Variants in SHISA6 observed in about 807,000 individuals in gnomAD.
SHISA6 encodes shisa family member 6.
Under a neutral mutation model 47.9 loss-of-function variants are expected in SHISA6, and 22 were observed. That is an observed-to-expected ratio of 0.46 (90% CI 0.33 to 0.66). The LOEUF (loss-of-function observed/expected upper bound fraction) is 0.66, where lower values mean the gene tolerates loss of function less well. SHISA6 is among the 30% of genes least tolerant of loss of function. SHISA6 has a pLI of 0.02. For missense variants in SHISA6, 680 were observed against 764.6 expected, an observed-to-expected ratio of 0.89 and a Z score of 1.30; for synonymous variants, 388 against 337.8, an observed-to-expected ratio of 1.15 and a Z score of -1.63.
intron 5 of SHISA6, among the ~76,000 whole-genome samples, chr17:11,557,548 A>T (rs2071993212): frequency 6.6e-6 from 1 of 152,218 alleles, no homozygotes. Context: ...TCTGCATTTA[A>T]CAAGCCCCCA....
At chr17:11,313,917 A>T (rs1403242273) in intron 2 of SHISA6, among the ~76,000 whole-genome samples, 4 of 152,152 alleles carry the variant, frequency 2.6e-5, no homozygotes, top group Non-Finnish European at 5.9e-5. Flanking sequence ...GAATGATGTA[A>T]TGCTATTGAA....
chr17:11,326,923 G>A (rs1368086599), intron 2 of SHISA6, among the ~76,000 whole-genome samples: 1 of 152,190 alleles, frequency 6.6e-6, no homozygotes, highest in Non-Finnish European at 1.5e-5. Context: ...AAACTTCTAA[G>A]ACAATGCGAT....
At chr17:11,390,391 C>T (rs1389882964) in intron 3 of SHISA6, among the ~76,000 whole-genome samples, 1 of 152,104 alleles carries the variant, frequency 6.6e-6, no homozygotes, top group African/African-American at 2.4e-5. Flanking sequence ...AATGGTAGCC[C>T]TTCATGTTGT....
chr17:11,525,030 AT>A (rs2142365884), intron 3 of SHISA6, among the ~76,000 whole-genome samples: 1 of 152,138 alleles, frequency 6.6e-6, no homozygotes, highest in African/African-American at 2.4e-5. Context: ...TACAAGTTTG[AT>A]TTTTGTTTTT....
chr17:11,371,305 G>A (rs777477988), intron 2 of SHISA6, among the ~76,000 whole-genome samples: 1 of 152,224 alleles, frequency 6.6e-6, no homozygotes, highest in East Asian at 1.9e-4. Flanking sequence ...CTTGGGAACT[G>A]GAAGGAGCCC....
chr17:11,454,323 G>A (rs965928744), intron 3 of SHISA6, among the ~76,000 whole-genome samples: 1 of 152,116 alleles, frequency 6.6e-6, no homozygotes, highest in Admixed American at 6.5e-5. Flanking sequence ...AGGAGCTACT[G>A]TTCATCCTCT....
intron 3 of SHISA6, among the ~76,000 whole-genome samples, chr17:11,489,179 G>A (rs2969214): frequency 0.25 from 37,560 of 151,640 alleles, 4,700 homozygotes; most frequent in African/African-American, 0.28. Context: ...CCTTTGTTTA[G>A]GGAGAAGACC....
chr17:11,429,249 G>A (rs1221495712), intron 3 of SHISA6, among the ~76,000 whole-genome samples: 1 of 152,142 alleles, frequency 6.6e-6, no homozygotes, highest in African/African-American at 2.4e-5. Context: ...CATCGTCAGA[G>A]TGGTCAAGAG....
intron 3 of SHISA6, among the ~76,000 whole-genome samples, chr17:11,535,606 A>T (rs2071779815): frequency 6.6e-6 from 1 of 152,230 alleles, no homozygotes; most frequent in African/African-American, 2.4e-5. Context: ...CCTAGATCCC[A>T]CTAGAAACCC....
chr17:11,332,578 A>G (rs377123411), intron 2 of SHISA6, among the ~76,000 whole-genome samples: 1 of 152,142 alleles, frequency 6.6e-6, no homozygotes, highest in Non-Finnish European at 1.5e-5. Context: ...ATTTGATGAA[A>G]GGGAGAGAAC....
At chr17:11,271,489 G>A (rs1032029244) in intron 2 of SHISA6, among the ~76,000 whole-genome samples, 2 of 152,014 alleles carry the variant, frequency 1.3e-5, no homozygotes, top group Admixed American at 1.3e-4. Flanking sequence ...CCAGGCTGGA[G>A]TGCAGTGGCG....
intron 2 of SHISA6, among the ~76,000 whole-genome samples, chr17:11,291,144 T>C (rs1442116354): frequency 6.6e-6 from 1 of 152,064 alleles, no homozygotes; most frequent in Non-Finnish European, 1.5e-5. Flanking sequence ...AGCAGATATC[T>C]GCCCTTAGGG....
chr17:11,292,349 A>C (rs1283919304), intron 2 of SHISA6, among the ~76,000 whole-genome samples: 2 of 152,010 alleles, frequency 1.3e-5, no homozygotes, highest in Middle Eastern at 3.2e-3. Context: ...GTGTGTTCTC[A>C]TTGTTCAAAT....
chr17:11,269,787 G>A (rs923931591), intron 2 of SHISA6, among the ~76,000 whole-genome samples: 6 of 152,120 alleles, frequency 3.9e-5, no homozygotes, highest in African/African-American at 1.2e-4. Flanking sequence ...GGCCTGTGAG[G>A]AAACTGAGGC....
chr17:11,471,259 AG>A (rs1379271589), intron 3 of SHISA6, among the ~76,000 whole-genome samples: 2 of 150,614 alleles, frequency 1.3e-5, no homozygotes, highest in Non-Finnish European at 2.9e-5. Flanking sequence ...CTAGAACCCC[AG>A]AGAAGGCAGA....
chr17:11,549,167 G>T (rs1394226393), intron 3 of SHISA6, among the ~76,000 whole-genome samples: 3 of 152,158 alleles, frequency 2.0e-5, no homozygotes, highest in Admixed American at 6.5e-5. Flanking sequence ...TTATTTAGGT[G>T]GGGGAGTTGG....
chr17:11,485,761 CTT>C (rs10582060), intron 3 of SHISA6, among the ~76,000 whole-genome samples: 39,271 of 146,096 alleles, frequency 0.27, 5,137 homozygotes, highest in Admixed American at 0.31. Context: ...TTTGCCAGCA[CTT>C]TTTTTTTTTT....
chr17:11,543,496 G>T (rs1322060448), intron 3 of SHISA6, among the ~76,000 whole-genome samples: 1 of 152,052 alleles, frequency 6.6e-6, no homozygotes, highest in African/African-American at 2.4e-5. Context: ...CCACGTTTAG[G>T]GATTGGAAGA....
chr17:11,422,272 C>T (rs1914469753), intron 3 of SHISA6, among the ~76,000 whole-genome samples: 1 of 152,102 alleles, frequency 6.6e-6, no homozygotes, highest in African/African-American at 2.4e-5. Context: ...TTACAGTTGT[C>T]ACATGCCTCC....
Sources: gnomAD v4.1 joint callset for allele counts (sites outside exome capture counted in the v4.1 genomes callset) on GRCh38, gnomAD v4.1.1 for gene constraint, MANE v1.5 for transcripts, NCBI Gene and HGNC (gene_info 2026-07-23, HGNC 2026-07-21) for gene names.